ZC3H12B: variants seen among roughly 807,000 people sequenced by gnomAD.
ZC3H12B encodes the protein zinc finger CCCH-type containing 12B.
A neutral mutation model predicts 43.9 loss-of-function variants in ZC3H12B; 7 were observed. That is an observed-to-expected ratio of 0.16 (90% CI 0.09 to 0.30). The LOEUF is 0.30. Among genes scored for constraint, ZC3H12B ranks in the 10% least tolerant of loss-of-function variants. The pLI is 1.00. For synonymous variants in ZC3H12B, 222 were observed against 241.7 expected (o/e 0.92, Z 0.76); for missense variants, 475 against 670.2 (o/e 0.71, Z 3.22).
the ZC3H12B span, among the ~76,000 whole-genome samples, chrX:65,309,885 C>T: frequency 6.3e-5 from 7 of 111,893 alleles, no homozygotes; most frequent in Admixed American, 2.8e-4. Context: ...ATAAACAGAA[C>T]CAAAGACAAA....
the ZC3H12B span, among the ~76,000 whole-genome samples, chrX:65,176,636 G>T: frequency 8.9e-6 from 1 of 111,953 alleles, no homozygotes; most frequent in South Asian, 3.8e-4. Flanking sequence ...TACCATCAGA[G>T]AATACTATAA....
chrX:65,285,545 A>G, the ZC3H12B span, among the ~76,000 whole-genome samples: 2 of 111,929 alleles, frequency 1.8e-5, no homozygotes, highest in East Asian at 5.6e-4. Context: ...CTTATAGGCC[A>G]GAAGATAATG....
the ZC3H12B span, among the ~76,000 whole-genome samples, chrX:65,111,538 T>G: frequency 1.1e-5 from 1 of 94,513 alleles, no homozygotes; most frequent in Non-Finnish European, 1.9e-5. Flanking sequence ...GCAATTTTTA[T>G]TTTTTTATTT....
the ZC3H12B span, among the ~76,000 whole-genome samples, chrX:65,157,847 G>A: frequency 9.5e-6 from 1 of 105,322 alleles, no homozygotes; most frequent in East Asian, 3.1e-4. Flanking sequence ...ATGTATACAT[G>A]TGCCATGCTG....
intron 2 of ZC3H12B, among the ~76,000 whole-genome samples, chrX:65,373,349 T>TAG (rs1224267082): frequency 9.0e-6 from 1 of 111,673 alleles, no homozygotes; most frequent in Non-Finnish European, 1.9e-5. Context: ...CTCAGGGACC[T>TAG]AGAACTAGAA....
chrX:65,472,994 A>ATATG (rs1285565925), intron 3 of ZC3H12B, among the ~76,000 whole-genome samples: 1 of 77,329 alleles, frequency 1.3e-5, no homozygotes, highest in Non-Finnish European at 2.1e-5. Flanking sequence ...ATATATATAT[A>ATATG]TATGTATATA....
At chrX:65,054,856 G>A in the ZC3H12B span, among the ~76,000 whole-genome samples, 67 of 111,145 alleles carry the variant, frequency 6.0e-4, no homozygotes, top group Admixed American at 2.9e-3. Context: ...GCAATTGTGA[G>A]TGGGAGTTCA....
the ZC3H12B span, among the ~76,000 whole-genome samples, chrX:65,116,117 G>A: frequency 6.5e-4 from 72 of 110,980 alleles, no homozygotes; most frequent in African/African-American, 2.1e-3. Flanking sequence ...TCATGAAGTC[G>A]TTGCCTAAGC....
chrX:65,084,335 G>A, the ZC3H12B span, among the ~76,000 whole-genome samples: 7 of 111,304 alleles, frequency 6.3e-5, no homozygotes, highest in Middle Eastern at 4.7e-3. Context: ...CAGGATGGGA[G>A]AAAATATTTT....
At chrX:65,330,989 A>T in the ZC3H12B span, 1 of 328,241 alleles carries the variant, frequency 3.0e-6, no homozygotes. Context: ...CCCTCTGCAT[A>T]TTGTTCCTGA....
upstream of ZC3H12B, among the ~76,000 whole-genome samples, chrX:65,365,805 C>T (rs1328936012): frequency 9.1e-6 from 1 of 109,577 alleles, no homozygotes; most frequent in African/African-American, 3.3e-5. Flanking sequence ...TACTGAGCAC[C>T]TTGTGACCCC....
intron 3 of ZC3H12B, among the ~76,000 whole-genome samples, chrX:65,426,964 T>A (rs2067090691): frequency 8.9e-6 from 1 of 111,843 alleles, no homozygotes; most frequent in Admixed American, 9.5e-5. Context: ...GTTATGTAGA[T>A]ATCTATCAGG....
the ZC3H12B span, among the ~76,000 whole-genome samples, chrX:65,071,464 A>C: frequency 4.0e-4 from 44 of 109,667 alleles, no homozygotes; most frequent in East Asian, 0.012. Flanking sequence ...TTCAAGGTTG[A>C]TATTGGTATG....
chrX:65,293,460 G>A, the ZC3H12B span, among the ~76,000 whole-genome samples: 6 of 110,127 alleles, frequency 5.4e-5, no homozygotes, highest in South Asian at 3.9e-4. Context: ...AACACACCCC[G>A]AGAGATCACA....
At chrX:65,455,809 TGGG>T (rs2067600166) in intron 3 of ZC3H12B, among the ~76,000 whole-genome samples, 1 of 111,053 alleles carries the variant, frequency 9.0e-6, no homozygotes, top group Admixed American at 9.6e-5. Context: ...CAGAAGAGAG[TGGG>T]GGCCAATATT....
At chrX:65,243,080 G>A in the ZC3H12B span, among the ~76,000 whole-genome samples, 8 of 111,973 alleles carry the variant, frequency 7.1e-5, no homozygotes, top group Non-Finnish European at 1.3e-4. Context: ...GATGTTTTGA[G>A]TAAGACCCAA....
chrX:65,381,947 C>T (rs929132629), intron 2 of ZC3H12B, among the ~76,000 whole-genome samples: 49 of 111,615 alleles, frequency 4.4e-4, no homozygotes, highest in Non-Finnish European at 8.3e-4. Context: ...GGAGCTGAAA[C>T]TGTGGCAATA....
At chrX:65,401,721 T>C (rs1240081610) in intron 3 of ZC3H12B, among the ~76,000 whole-genome samples, 2 of 111,628 alleles carry the variant, frequency 1.8e-5, no homozygotes, top group African/African-American at 3.3e-5. Context: ...AGGAGGACTT[T>C]GCCTTGCATC....
chrX:65,150,137 C>T, the ZC3H12B span, among the ~76,000 whole-genome samples: 3 of 110,552 alleles, frequency 2.7e-5, no homozygotes, highest in Non-Finnish European at 3.8e-5. Context: ...TATCTCTTTT[C>T]CCCTTCCTTT....
Sources: allele counts gnomAD v4.1 joint callset (sites outside exome capture counted in the v4.1 genomes callset), GRCh38; gene constraint gnomAD v4.1.1; transcripts MANE v1.5; gene names NCBI Gene and HGNC (gene_info 2026-07-23, HGNC 2026-07-21).